Variants in SRRM4 observed in about 807,000 individuals in gnomAD.
SRRM4 encodes the protein serine/arginine repetitive matrix protein 4.
SRRM4 carries 33 observed loss-of-function variants against 68.9 expected under a neutral mutation model. The ratio of observed to expected loss-of-function variants is 0.48; its 90% confidence interval spans 0.36 to 0.64. SRRM4 has a LOEUF of 0.64. SRRM4 is among the 30% of genes least tolerant of loss of function. The probability of loss-of-function intolerance (pLI) is 0.00; values close to 1 mark genes in which losing one functional copy is unlikely to be tolerated. For synonymous variants in SRRM4, 318 were observed against 318.8 expected (o/e 1.00, Z 0.03); for missense variants, 817 against 827.1 (o/e 0.99, Z 0.15).
At chr12:119,045,897 G>C (rs1239981414) in intron 1 of SRRM4, among the ~76,000 whole-genome samples, 1 of 152,026 alleles carries the variant, frequency 6.6e-6, no homozygotes. Context: ...AATTAGCCAG[G>C]CGTGGTGGTG....
At chr12:119,039,105 T>C (rs913382891) in intron 1 of SRRM4, among the ~76,000 whole-genome samples, 1 of 152,258 alleles carries the variant, frequency 6.6e-6, no homozygotes, top group African/African-American at 2.4e-5. Context: ...TCTTACTTTT[T>C]GGAATATGCT....
At chr12:118,992,922 G>A (rs1486608004) in intron 1 of SRRM4, among the ~76,000 whole-genome samples, 2 of 152,140 alleles carry the variant, frequency 1.3e-5, no homozygotes, top group Admixed American at 1.3e-4. Flanking sequence ...GGGGGAAGAA[G>A]ACAGAAAAAT....
At position 119,125,498 on chromosome 12, in the gene SRRM4, A is replaced by T. The variant is rs1202627783; in HGVS notation, c.614+19A>T. ...AGAGCAGGTAACCCCTTGCCCCAGG[A>T]TCCTCTTCTGTCAGCCACAGCCGAG... is the stretch of plus-strand genomic sequence containing the variant. On this transcript the variant is annotated intron_variant, in intron 7 of 12. Transcript: ENST00000267260. 1 of 1,607,104 alleles carries T rather than the reference A, an allele frequency of 6.2e-7. No homozygotes were observed. The highest frequency in any genetic ancestry group is 8.5e-7 in the Non-Finnish European group (1 of 1,174,578).
At chr12:119,147,711 C>T (rs1954412970) in intron 9 of SRRM4, among the ~76,000 whole-genome samples, 1 of 152,162 alleles carries the variant, frequency 6.6e-6, no homozygotes, top group African/African-American at 2.4e-5. Flanking sequence ...GAGATTTCTC[C>T]ATTTTTTTAC....
chr12:119,130,018 T>C (rs1954285525), intron 7 of SRRM4, among the ~76,000 whole-genome samples: 1 of 146,870 alleles, frequency 6.8e-6, no homozygotes, highest in Admixed American at 6.8e-5. Flanking sequence ...GATGAATGCA[T>C]AGATGGTTGG....
At chr12:119,059,379 A>G (rs960416197) in intron 1 of SRRM4, among the ~76,000 whole-genome samples, 1 of 152,110 alleles carries the variant, frequency 6.6e-6, no homozygotes, top group African/African-American at 2.4e-5. Flanking sequence ...CTCGCTATGT[A>G]GTGGGGTTAC....
Position 119,130,290 on chromosome 12 carries a change from A to G in SRRM4, c.615-388A>G, listed in dbSNP as rs12318325. ...TGGCTGGATAGATGGTTGCTTAGAC[A>G]GATGGATGGATGGATGGATGGTTAG... On this transcript the variant is annotated intron_variant, in intron 7 of 12. Coordinates refer to ENST00000267260, the MANE Select transcript of SRRM4 (RefSeq NM_194286.4). Among the ~76,000 whole-genome samples the G allele has an allele frequency of 8.4e-3, 1,211 of 143,910 alleles. 22 individuals carry two copies. The highest frequency in any genetic ancestry group is 0.03 in the African/African-American group (1,172 of 39,090). 94.4% of individuals were successfully genotyped at this position (143,910 alleles called of 152,430 possible). A position where few individuals can be genotyped will look rare whatever the true frequency, so the allele number is the denominator to read the frequency against.
At chr12:119,090,944 C>A (rs919539486) in intron 1 of SRRM4, among the ~76,000 whole-genome samples, 3 of 152,304 alleles carry the variant, frequency 2.0e-5, no homozygotes, top group African/African-American at 7.2e-5. Context: ...CCCACTGAAG[C>A]CCTTTATCTC....
At chr12:119,140,010 ATG>A (rs1475334454) in intron 8 of SRRM4, among the ~76,000 whole-genome samples, 1 of 152,188 alleles carries the variant, frequency 6.6e-6, no homozygotes, top group Non-Finnish European at 1.5e-5. Flanking sequence ...CTCCTCAAGC[ATG>A]TATCATTTCT....
chr12:119,078,791 G>T (rs1462760304), intron 1 of SRRM4, among the ~76,000 whole-genome samples: 1 of 152,146 alleles, frequency 6.6e-6, no homozygotes, highest in Non-Finnish European at 1.5e-5. Flanking sequence ...TTAGCCAAGT[G>T]TAGTGGCATG....
intron 1 of SRRM4, among the ~76,000 whole-genome samples, chr12:119,069,422 C>T (rs371519598): frequency 1.2e-4 from 19 of 152,080 alleles, no homozygotes; most frequent in African/African-American, 3.1e-4. Context: ...GTTGGGAGGC[C>T]GTGGATTTAG....
intron 7 of SRRM4, among the ~76,000 whole-genome samples, chr12:119,130,292 A>G (rs965248154): frequency 8.6e-5 from 13 of 150,870 alleles, no homozygotes; most frequent in Non-Finnish European, 1.5e-4. Flanking sequence ...GCTTAGACAG[A>G]TGGATGGATG....
rs1446818648 is a variant in SRRM4, at chr12:119,156,951, G to A, written c.*153G>A. On this transcript the variant is annotated 3_prime_UTR_variant, in exon 13 of 13. Coordinates refer to ENST00000267260, the MANE Select transcript of SRRM4 (RefSeq NM_194286.4). ...GGGAAGAGGAGAAGAGGGTAAGGGGGCTTCACTCTCTAGATCAGCCTGCTA... is the reference window on the plus strand; with the variant it reads ...GGGAAGAGGAGAAGAGGGTAAGGGGACTTCACTCTCTAGATCAGCCTGCTA... 1.6e-5 allele frequency: 15 copies of A among 963,316 alleles called. No individual in the cohort carries two copies. The East Asian group carries it at 2.7e-4, about 17-fold the overall frequency. The allele number at this position is 963,316 out of a possible 1,614,324, so 59.7% of individuals were successfully genotyped here.
At chr12:119,065,238 G>C (rs1440200224) in intron 1 of SRRM4, among the ~76,000 whole-genome samples, 1 of 152,112 alleles carries the variant, frequency 6.6e-6, no homozygotes, top group East Asian at 1.9e-4. Flanking sequence ...GTCTCCTTTG[G>C]TTCTCACATT....
chr12:119,156,429 CTG>C, intron 12 of SRRM4, 64 bp from the exon 13 acceptor site: 1 of 1,503,188 alleles, frequency 6.7e-7, no homozygotes, highest in Non-Finnish European at 8.9e-7. Flanking sequence ...TGGGACAAGA[CTG>C]GGGCTCGCTG....
At chr12:119,150,958 A>G in intron 9 of SRRM4, 59 bp from the exon 10 acceptor site, 7 of 1,544,666 alleles carry the variant, frequency 4.5e-6, no homozygotes, top group Non-Finnish European at 6.2e-6. Flanking sequence ...GAGGTATTCA[A>G]ACAAGATGCT....
At chr12:119,104,700 T>C (rs1954096543) in intron 2 of SRRM4, among the ~76,000 whole-genome samples, 2 of 152,028 alleles carry the variant, frequency 1.3e-5, no homozygotes, top group African/African-American at 4.8e-5. Context: ...AGACTTTAAA[T>C]CTAGGTTTGT....
chr12:119,092,707 C>T lies in SRRM4; in HGVS notation c.132-9529C>T, dbSNP rs575890589. ...TGTAGTCATTTCTTCACTGGTCTTC[C>T]GTATCTATTCCAGATCCCTGGCCAT... On this transcript the variant is annotated intron_variant, in intron 1 of 12. Coordinates refer to ENST00000267260, the MANE Select transcript of SRRM4 (RefSeq NM_194286.4). 5.9e-5 allele frequency among the ~76,000 whole-genome samples: 9 copies of T among 152,266 alleles called. No individual in the cohort carries two copies. The East Asian group carries it at 1.5e-3, about 26-fold the overall frequency.
chr12:119,034,885 C>T (rs61937966), intron 1 of SRRM4, among the ~76,000 whole-genome samples: 39,792 of 151,932 alleles, frequency 0.26, 6,055 homozygotes, highest in East Asian at 0.43. Flanking sequence ...ACTTGGATTT[C>T]TATTTTTTAC....
Sources: gnomAD v4.1 joint callset for allele counts (sites outside exome capture counted in the v4.1 genomes callset) on GRCh38, gnomAD v4.1.1 for gene constraint, MANE v1.5 for transcripts, NCBI Gene and HGNC (gene_info 2026-07-23, HGNC 2026-07-21) for gene names.